EPHA6: variants seen among roughly 807,000 people sequenced by gnomAD.
EPHA6 encodes the protein EPH receptor A6.
A neutral mutation model predicts 112.0 loss-of-function variants in EPHA6; 50 were observed. The ratio of observed to expected loss-of-function variants is 0.45; its 90% confidence interval spans 0.36 to 0.56. EPHA6 has a LOEUF of 0.56. EPHA6 is among the 20% of genes least tolerant of loss of function. The pLI is 0.00. For missense variants in EPHA6, 1,280 were observed against 1,417.4 expected (o/e 0.90, Z 1.56); for synonymous variants, 529 against 490.7 (o/e 1.08, Z -1.03).
intron 3 of EPHA6, among the ~76,000 whole-genome samples, chr3:97,016,496 C>A (rs2044270989): frequency 6.6e-6 from 1 of 152,084 alleles, no homozygotes. Flanking sequence ...TATGTATTTA[C>A]TTTAAAATGC....
chr3:97,127,731 A>T (rs766613639), intron 3 of EPHA6, among the ~76,000 whole-genome samples: 1 of 151,680 alleles, frequency 6.6e-6, no homozygotes, highest in African/African-American at 2.4e-5. Flanking sequence ...AAAAAAAAAA[A>T]GAATGAACTT....
Position 97,448,656 on chromosome 3 carries a change from T to C in EPHA6, c.1820T>C (p.Phe607Ser). 6.2e-7 allele frequency: 1 copy of C among 1,613,616 alleles called. No homozygotes were observed. The highest frequency in any genetic ancestry group is 8.5e-7 in the Non-Finnish European group (1 of 1,179,628). The change falls in exon 7 of 18, where the codon TTT becomes TCT. Residue 607 changes from phenylalanine to serine, a missense_variant. Physicochemically the swap from Phe to Ser is radical, Grantham distance 155. Transcript: ENST00000389672. ...CTTAAGCCAGCCACCAAATATGTAT[T>C]TCACATCCGAGTGAGAACTGCGACA... ...TGLKPATKYV[F>S]HIRVRTATGY...
chr3:97,343,909 G>T (rs552776894), intron 5 of EPHA6, among the ~76,000 whole-genome samples: 27 of 152,194 alleles, frequency 1.8e-4, no homozygotes, highest in South Asian at 6.2e-4. Flanking sequence ...AGACAAAGAG[G>T]ATTGTTCTTG....
intron 5 of EPHA6, among the ~76,000 whole-genome samples, chr3:97,341,030 A>C (rs2083277713): frequency 6.6e-6 from 1 of 152,174 alleles, no homozygotes; most frequent in Non-Finnish European, 1.5e-5. Context: ...CTTCTCCTCC[A>C]TTAAGTCATT....
At chr3:97,301,138 T>G (rs887162211) in intron 5 of EPHA6, among the ~76,000 whole-genome samples, 4 of 152,154 alleles carry the variant, frequency 2.6e-5, no homozygotes, top group African/African-American at 9.7e-5. Context: ...CTTCTCCCAT[T>G]ACTTTGAGGT....
chr3:96,880,463 A>C (rs961747369), intron 2 of EPHA6, among the ~76,000 whole-genome samples: 1 of 152,172 alleles, frequency 6.6e-6, no homozygotes, highest in Non-Finnish European at 1.5e-5. Context: ...ATACAAGTCA[A>C]ATTTCTCAGT....
intron 11 of EPHA6, among the ~76,000 whole-genome samples, chr3:97,573,012 G>T (rs149366728): frequency 3.3e-5 from 5 of 152,182 alleles, no homozygotes; most frequent in African/African-American, 7.2e-5. Flanking sequence ...GCCTACATAC[G>T]TCTTAACAAA....
intron 1 of EPHA6, among the ~76,000 whole-genome samples, chr3:96,822,353 T>C (rs2033325906): frequency 6.6e-6 from 1 of 151,876 alleles, no homozygotes; most frequent in Non-Finnish European, 1.5e-5. Context: ...ATGTTTTAAC[T>C]GAGCTTTGTG....
chr3:97,490,055 T>C (rs1160667692), intron 10 of EPHA6, among the ~76,000 whole-genome samples: 2 of 152,130 alleles, frequency 1.3e-5, no homozygotes, highest in Admixed American at 1.3e-4. Context: ...CTCATCATAG[T>C]CATTGTTTGA....
chr3:97,724,275 T>A (rs575061379), intron 15 of EPHA6, among the ~76,000 whole-genome samples: 1 of 152,270 alleles, frequency 6.6e-6, no homozygotes, highest in East Asian at 1.9e-4. Context: ...TTTTAGTGAA[T>A]AATATAATGA....
intron 5 of EPHA6, among the ~76,000 whole-genome samples, chr3:97,364,466 G>A (rs1261219517): frequency 6.6e-6 from 1 of 151,536 alleles, no homozygotes. Flanking sequence ...AGGCAGACAA[G>A]TATTCTTTAT....
chr3:97,256,219 A>G (rs1232649862), intron 5 of EPHA6, among the ~76,000 whole-genome samples: 1 of 151,852 alleles, frequency 6.6e-6, no homozygotes, highest in Non-Finnish European at 1.5e-5. Flanking sequence ...CTATATTTTC[A>G]TATTTTTTTT....
intron 11 of EPHA6, among the ~76,000 whole-genome samples, chr3:97,550,761 T>C (rs562160728): frequency 1.1e-4 from 17 of 152,286 alleles, no homozygotes; most frequent in Non-Finnish European, 2.2e-4. Context: ...GGTGAGACCA[T>C]GATCTGTTGA....
intron 14 of EPHA6, among the ~76,000 whole-genome samples, chr3:97,679,873 C>T (rs774703443): frequency 6.6e-6 from 1 of 152,126 alleles, no homozygotes; most frequent in Non-Finnish European, 1.5e-5. Flanking sequence ...CATGAAGAAA[C>T]CTGTTTAACC....
chr3:97,080,735 G>A (rs1223754881), intron 3 of EPHA6, among the ~76,000 whole-genome samples: 1 of 151,702 alleles, frequency 6.6e-6, no homozygotes, highest in Non-Finnish European at 1.5e-5. Context: ...ATATGTATGT[G>A]GTTTTTTGCT....
At chr3:97,536,491 C>T (rs1004357687) in intron 11 of EPHA6, among the ~76,000 whole-genome samples, 2 of 152,150 alleles carry the variant, frequency 1.3e-5, no homozygotes, top group Admixed American at 6.6e-5. Flanking sequence ...AATTCCCAAA[C>T]ATAATTTCAT....
intron 6 of EPHA6, among the ~76,000 whole-genome samples, chr3:97,409,809 ACAGT>A (rs1329731955): frequency 2.0e-5 from 3 of 152,048 alleles, no homozygotes; most frequent in Admixed American, 1.3e-4. Flanking sequence ...AATTTTTATC[ACAGT>A]CAGCAGTTTT....
chr3:97,706,956 A>G (rs2033710764), intron 14 of EPHA6, among the ~76,000 whole-genome samples: 1 of 152,158 alleles, frequency 6.6e-6, no homozygotes, highest in African/African-American at 2.4e-5. Context: ...AGCACCTGGC[A>G]TGTGAGATGT....
At chr3:97,534,854 G>A (rs2092742009) in intron 11 of EPHA6, among the ~76,000 whole-genome samples, 1 of 152,038 alleles carries the variant, frequency 6.6e-6, no homozygotes, top group Admixed American at 6.6e-5. Context: ...CCTTTGCAGA[G>A]CATTTTAAAT....
Sources: gnomAD v4.1 joint callset for allele counts (sites outside exome capture counted in the v4.1 genomes callset) on GRCh38, gnomAD v4.1.1 for gene constraint, MANE v1.5 for transcripts, NCBI Gene and HGNC (gene_info 2026-07-23, HGNC 2026-07-21) for gene names.